The following RANBP2 variants were observed in gnomAD, a reference collection of about 807,000 sequenced individuals.
The protein encoded by RANBP2 is E3 SUMO-protein ligase RanBP2.
RANBP2 carries 57 observed loss-of-function variants against 303.6 expected under a neutral mutation model. That is an observed-to-expected ratio of 0.19 (90% CI 0.15 to 0.23). RANBP2 has a LOEUF of 0.23. Among genes scored for constraint, RANBP2 ranks in the 10% least tolerant of loss-of-function variants. The pLI is 1.00. For missense variants in RANBP2, 3,138 were observed against 3,780.8 expected (o/e 0.83, Z 4.46); for synonymous variants, 1,167 against 1,301.5 (o/e 0.90, Z 2.23).
the RANBP2 span, among the ~76,000 whole-genome samples, chr2:109,262,898 T>A: frequency 6.6e-6 from 1 of 152,158 alleles, no homozygotes; most frequent in African/African-American, 2.4e-5. Flanking sequence ...AGTGGCATGA[T>A]CTTGGCTCAC....
the RANBP2 span, among the ~76,000 whole-genome samples, chr2:109,279,469 A>G: frequency 2.0e-5 from 3 of 152,158 alleles, no homozygotes; most frequent in South Asian, 2.1e-4. Context: ...TAATGCTGCT[A>G]TGCTGCTAAT....
At chr2:109,291,061 A>G in the RANBP2 span, among the ~76,000 whole-genome samples, 1 of 152,198 alleles carries the variant, frequency 6.6e-6, no homozygotes, top group Non-Finnish European at 1.5e-5. Context: ...GCTTAACACA[A>G]CAAATAATCC....
At chr2:109,525,555 G>A in the RANBP2 span, among the ~76,000 whole-genome samples, 1 of 152,198 alleles carries the variant, frequency 6.6e-6, no homozygotes, top group Non-Finnish European at 1.5e-5. Context: ...TGGTGGGCTG[G>A]TGACGTGAAC....
the RANBP2 span, among the ~76,000 whole-genome samples, chr2:109,250,629 C>T: frequency 5.3e-5 from 8 of 151,736 alleles, no homozygotes; most frequent in South Asian, 4.2e-4. Flanking sequence ...TGGTATGTTT[C>T]CTGGGCTAAA....
At position 108,784,160 on chromosome 2, in the gene RANBP2, A is replaced by G. The variant is rs1259664092; in HGVS notation, c.*259A>G. 7.6e-6 allele frequency: 3 copies of G among 392,768 alleles called. No homozygotes were observed. The highest frequency in any genetic ancestry group is 4.2e-5 in the Admixed American group (1 of 23,662). The allele number at this position is 392,768 out of a possible 1,614,324, so 24.3% of individuals were successfully genotyped here. On this transcript the variant is annotated 3_prime_UTR_variant, in exon 29 of 29. Transcript: ENST00000283195. Reference sequence around the variant, plus strand: ...TGACGTATTAAAATGGAATAATACTAATCTTGTTAAAAGCAATAGACCTCA... The same window carrying G: ...TGACGTATTAAAATGGAATAATACTGATCTTGTTAAAAGCAATAGACCTCA...
chr2:109,099,713 C>T, the RANBP2 span, among the ~76,000 whole-genome samples: 3 of 152,140 alleles, frequency 2.0e-5, no homozygotes, highest in Admixed American at 6.5e-5. Context: ...TCTTTCCAGC[C>T]TCCTATATCC....
At chr2:109,115,479 C>T in the RANBP2 span, among the ~76,000 whole-genome samples, 1 of 152,068 alleles carries the variant, frequency 6.6e-6, no homozygotes, top group Non-Finnish European at 1.5e-5. Flanking sequence ...TTTCCATTTG[C>T]TTGGTAGATC....
the RANBP2 span, among the ~76,000 whole-genome samples, chr2:109,186,571 GCAAA>G: frequency 1.3e-5 from 2 of 152,174 alleles, no homozygotes; most frequent in Non-Finnish European, 2.9e-5. Context: ...AACCAGTAAA[GCAAA>G]CAAATAACCT....
chr2:109,354,055 A>G, the RANBP2 span, among the ~76,000 whole-genome samples: 1 of 152,212 alleles, frequency 6.6e-6, no homozygotes, highest in African/African-American at 2.4e-5. Flanking sequence ...GATGGTGGCT[A>G]ACAGTTCCAT....
At chr2:109,459,101 T>C in the RANBP2 span, among the ~76,000 whole-genome samples, 32 of 152,190 alleles carry the variant, frequency 2.1e-4, no homozygotes, top group African/African-American at 7.5e-4. Flanking sequence ...AGTCTTTGAG[T>C]GGTGCTTCGT....
chr2:109,438,631 G>A, the RANBP2 span, among the ~76,000 whole-genome samples: 1 of 152,160 alleles, frequency 6.6e-6, no homozygotes, highest in Admixed American at 6.5e-5. Context: ...AGAATCTGCA[G>A]CAATATTACC....
chr2:109,648,997 G>A, the RANBP2 span, among the ~76,000 whole-genome samples: 4 of 152,158 alleles, frequency 2.6e-5, no homozygotes, highest in Admixed American at 6.6e-5. Context: ...TGTATAGGTA[G>A]GACAATCAGG....
chr2:108,817,446 C>A, the RANBP2 span, among the ~76,000 whole-genome samples: 1 of 152,064 alleles, frequency 6.6e-6, no homozygotes, highest in African/African-American at 2.4e-5. Flanking sequence ...GTGTGTGCCA[C>A]CACGCCCAGC....
chr2:108,757,299 C>G (rs543251503), intron 17 of RANBP2, among the ~76,000 whole-genome samples: 2 of 152,286 alleles, frequency 1.3e-5, no homozygotes, highest in Admixed American at 1.3e-4. Context: ...GATGAGGTAG[C>G]CACATAGCTA....
the RANBP2 span, among the ~76,000 whole-genome samples, chr2:109,333,215 G>A: frequency 6.6e-6 from 1 of 152,226 alleles, no homozygotes; most frequent in Non-Finnish European, 1.5e-5. Context: ...GTATCTATCA[G>A]GTTCAGGCAT....
the RANBP2 span, among the ~76,000 whole-genome samples, chr2:108,844,547 G>A: frequency 6.6e-6 from 1 of 152,106 alleles, no homozygotes; most frequent in African/African-American, 2.4e-5. Context: ...GGCAGCTGTT[G>A]ATTGTCTTTT....
the RANBP2 span, among the ~76,000 whole-genome samples, chr2:109,272,623 T>A: frequency 6.6e-6 from 1 of 152,244 alleles, no homozygotes; most frequent in Non-Finnish European, 1.5e-5. Flanking sequence ...GGTGAGCACA[T>A]GCTTCCGCAC....
intron 20 of RANBP2, 79 bp from the exon 21 acceptor site, chr2:108,771,622 T>C: frequency 2.5e-6 from 4 of 1,590,172 alleles, no homozygotes; most frequent in African/African-American, 1.3e-5. Flanking sequence ...ATAGGTTCCA[T>C]GGTTTTTATT....
At chr2:109,397,704 T>G in the RANBP2 span, among the ~76,000 whole-genome samples, 7 of 152,210 alleles carry the variant, frequency 4.6e-5, no homozygotes, top group South Asian at 1.5e-3. Context: ...TCACGGACCT[T>G]CCCCCAGTGG....
Sources: allele counts gnomAD v4.1 joint callset (sites outside exome capture counted in the v4.1 genomes callset), GRCh38; gene constraint gnomAD v4.1.1; transcripts MANE v1.5; gene names NCBI Gene and HGNC (gene_info 2026-07-23, HGNC 2026-07-21).